UGT2B7: variants seen among roughly 807,000 people sequenced by gnomAD.
UGT2B7 encodes the protein UDP-glucuronosyltransferase 2B7.
A neutral mutation model predicts 51.9 loss-of-function variants in UGT2B7; 51 were observed. The observed-to-expected ratio is 0.98, with a 90% CI of 0.78 to 1.24. The LOEUF is 1.24. Among genes scored for constraint, UGT2B7 ranks in the 50% most tolerant of loss-of-function variants. The probability of loss-of-function intolerance (pLI) is 0.00; values close to 1 mark genes in which losing one functional copy is unlikely to be tolerated. For synonymous variants in UGT2B7, 225 were observed against 211.6 expected, an observed-to-expected ratio of 1.06 and a Z score of -0.55; for missense variants, 727 against 628.4, an observed-to-expected ratio of 1.16 and a Z score of -1.68.
intron 1 of UGT2B7, among the ~76,000 whole-genome samples, chr4:69,069,117 A>G (rs1269443633): frequency 6.8e-6 from 1 of 147,994 alleles, no homozygotes; most frequent in Non-Finnish European, 1.5e-5. Flanking sequence ...AAAAAAAAAA[A>G]GGACCGGTAG....
intron 1 of UGT2B7, among the ~76,000 whole-genome samples, chr4:69,087,585 A>T (rs1718990665): frequency 6.6e-6 from 1 of 152,006 alleles, no homozygotes; most frequent in Admixed American, 6.6e-5. Context: ...TCTTTCCAAT[A>T]AAACAATTCT....
In UGT2B7 at chr4:69,097,231, T is replaced by C. The variant is rs368740354; in HGVS notation, c.711T>C (p.Ser237=). Residue 237 remains serine, a synonymous_variant, in exon 1 of 6, where the codon AGT becomes AGC. Transcript: ENST00000305231. The part of the protein sequence containing the change: ...FDMKKWDQFY[S]EVLGRPTTLS... ...TGAAGAAGTGGGATCAGTTTTATAGTGAAGTTCTAGGTAAGTATTTTTTTC... is the reference window on the plus strand; with the variant it reads ...TGAAGAAGTGGGATCAGTTTTATAGCGAAGTTCTAGGTAAGTATTTTTTTC... 1.7e-5 allele frequency: 27 copies of C among 1,608,450 alleles called. No individual in the cohort carries two copies. Among genetic ancestry groups the C allele is most frequent in the Non-Finnish European group, 2.3e-5 (27 of 1,178,292 alleles).
chr4:69,107,339 C>T, intron 4 of UGT2B7, 77 bp downstream of exon 4: 1 of 1,418,320 alleles, frequency 7.1e-7, no homozygotes, highest in South Asian at 1.3e-5. Context: ...ATGAAACAAG[C>T]TTATTGAATA....
chr4:69,105,595 A>G (rs926887417), intron 3 of UGT2B7, among the ~76,000 whole-genome samples: 3 of 152,200 alleles, frequency 2.0e-5, no homozygotes, highest in African/African-American at 7.2e-5. Context: ...GCAAGATACA[A>G]TTTTGAGTTT....
intron 1 of UGT2B7, 90 bp downstream of exon 1, chr4:69,097,331 T>C (rs1560508824): frequency 6.9e-7 from 1 of 1,453,210 alleles, no homozygotes; most frequent in Non-Finnish European, 9.2e-7. Context: ...GTCAGGGTAG[T>C]GGGGTTTTGG....
intron 1 of UGT2B7, among the ~76,000 whole-genome samples, chr4:69,073,042 G>C (rs1718632783): frequency 6.6e-6 from 1 of 152,084 alleles, no homozygotes; most frequent in African/African-American, 2.4e-5. Flanking sequence ...CACCTCCCTG[G>C]TGGTCACTTC....
chr4:69,075,964 G>A (rs552469847), intron 1 of UGT2B7, among the ~76,000 whole-genome samples: 11 of 151,492 alleles, frequency 7.3e-5, no homozygotes, highest in African/African-American at 2.4e-4. Context: ...ACTGTGTGAT[G>A]TTCCCCTCCC....
intron 4 of UGT2B7, among the ~76,000 whole-genome samples, chr4:69,107,489 G>A (rs896132346): frequency 6.6e-6 from 1 of 152,050 alleles, no homozygotes; most frequent in African/African-American, 2.4e-5. Flanking sequence ...CTTTATTTCA[G>A]GTGTTATTAT....
At chr4:69,073,837 G>A (rs555682376) in intron 1 of UGT2B7, among the ~76,000 whole-genome samples, 2 of 152,122 alleles carry the variant, frequency 1.3e-5, no homozygotes, top group Non-Finnish European at 2.9e-5. Flanking sequence ...AATTTCTAGA[G>A]CATTAGATAA....
intron 3 of UGT2B7, among the ~76,000 whole-genome samples, chr4:69,105,964 A>G (rs1269954771): frequency 1.3e-5 from 2 of 152,158 alleles, no homozygotes; most frequent in African/African-American, 2.4e-5. Context: ...GAAAACTAAT[A>G]TAAAATACAT....
chr4:69,104,723 T>C (rs773195090), intron 3 of UGT2B7, among the ~76,000 whole-genome samples: 15 of 152,170 alleles, frequency 9.9e-5, no homozygotes, highest in Non-Finnish European at 4.4e-5. Context: ...TCTGCCCCTG[T>C]CATTTGACCC....
chr4:69,068,119 CATATT>C (rs1718521325), intron 1 of UGT2B7, among the ~76,000 whole-genome samples: 1 of 151,942 alleles, frequency 6.6e-6, no homozygotes, highest in Non-Finnish European at 1.5e-5. Flanking sequence ...TTCATGATCT[CATATT>C]AGTTATTCAT....
At chr4:69,073,925 T>C (rs1718651245) in intron 1 of UGT2B7, among the ~76,000 whole-genome samples, 1 of 152,150 alleles carries the variant, frequency 6.6e-6, no homozygotes, top group Non-Finnish European at 1.5e-5. Context: ...CATATATAAT[T>C]AGGGAGCCCA....
intron 2 of UGT2B7, among the ~76,000 whole-genome samples, chr4:69,102,118 A>C (rs759308599): frequency 6.6e-6 from 1 of 152,220 alleles, no homozygotes; most frequent in African/African-American, 2.4e-5. Flanking sequence ...TCCTGGACTA[A>C]TTCATAGAAA....
chr4:69,057,871 G>T (rs148504509), intron 1 of UGT2B7, among the ~76,000 whole-genome samples: 12 of 152,286 alleles, frequency 7.9e-5, no homozygotes, highest in African/African-American at 2.9e-4. Flanking sequence ...GCCCTCTTTT[G>T]GTGTTGGCTG....
intron 1 of UGT2B7, among the ~76,000 whole-genome samples, chr4:69,064,076 G>C (rs1423271258): frequency 9.4e-6 from 1 of 106,350 alleles, no homozygotes; most frequent in Non-Finnish European, 1.8e-5. Context: ...AAGAAAGAAA[G>C]AAAGAAAGAA....
At chr4:69,060,999 C>T (rs28775401) in intron 1 of UGT2B7, among the ~76,000 whole-genome samples, 70,423 of 151,942 alleles carry the variant, frequency 0.46, 17,908 homozygotes, top group African/African-American at 0.67. Context: ...ATCGGCCCCT[C>T]GGAGACCTGG....
At chr4:69,058,507 C>T (rs1718264883) in intron 1 of UGT2B7, among the ~76,000 whole-genome samples, 1 of 152,136 alleles carries the variant, frequency 6.6e-6, no homozygotes, top group Non-Finnish European at 1.5e-5. Context: ...AAAGGCACTC[C>T]TGCAAAGTTT....
intron 1 of UGT2B7, among the ~76,000 whole-genome samples, chr4:69,064,096 G>GAAAGAAAGAGAA: frequency 2.6e-5 from 2 of 75,730 alleles, no homozygotes; most frequent in East Asian, 4.4e-4. Context: ...AAGAAAGAAA[G>GAAAGAAAGAGAA]AGAAAGAAAG....
Sources: gnomAD v4.1 joint callset for allele counts (sites outside exome capture counted in the v4.1 genomes callset) on GRCh38, gnomAD v4.1.1 for gene constraint, MANE v1.5 for transcripts, NCBI Gene and HGNC (gene_info 2026-07-23, HGNC 2026-07-21) for gene names.